Variants in CNOT1 observed in about 807,000 individuals in gnomAD.
CNOT1 encodes CCR4-associated factor 1.
A neutral mutation model predicts 273.8 loss-of-function variants in CNOT1; 15 were observed. That is an observed-to-expected ratio of 0.05 (90% CI 0.04 to 0.08). The LOEUF is 0.08. Among genes scored for constraint, CNOT1 ranks in the 10% least tolerant of loss-of-function variants. The pLI, the probability that CNOT1 is intolerant of heterozygous loss-of-function variation, is 1.00. For missense variants in CNOT1, 1,644 were observed against 2,912.2 expected, an observed-to-expected ratio of 0.56 and a Z score of 10.02; for synonymous variants, 1,022 against 1,005.5, an observed-to-expected ratio of 1.02 and a Z score of -0.31.
intron 1 of CNOT1, among the ~76,000 whole-genome samples, chr16:58,619,765 C>T (rs74020118): frequency 0.013 from 1,982 of 152,202 alleles, 45 homozygotes; most frequent in African/African-American, 0.045. Flanking sequence ...AAATTCAAAT[C>T]TTGTTTCTAG....
intron 17 of CNOT1, 122 bp downstream of exon 17, chr16:58,560,090 G>A: frequency 6.6e-7 from 1 of 1,524,800 alleles, no homozygotes; most frequent in Non-Finnish European, 8.8e-7. Flanking sequence ...TAAAATAAGT[G>A]GATGCTAGAC....
intron 2 of CNOT1, among the ~76,000 whole-genome samples, chr16:58,593,468 A>C (rs946321926): frequency 3.3e-5 from 5 of 152,038 alleles, no homozygotes; most frequent in Non-Finnish European, 5.9e-5. Flanking sequence ...CTGAGACAGG[A>C]GAATCGCTTG....
intron 13 of CNOT1, 93 bp from the exon 14 acceptor site, chr16:58,576,675 T>C: frequency 1.9e-6 from 3 of 1,548,082 alleles, no homozygotes; most frequent in Non-Finnish European, 2.6e-6. Context: ...AGAACTTGTA[T>C]AAAAATCAGG....
chr16:58,524,824 G>C (rs1170077840), intron 46 of CNOT1, among the ~76,000 whole-genome samples: 2 of 152,136 alleles, frequency 1.3e-5, no homozygotes, highest in Non-Finnish European at 2.9e-5. Context: ...CAAGATGCCT[G>C]CCAAACACGC....
In CNOT1 at chr16:58,542,418, A is replaced by T; in HGVS notation, c.4575+10T>A. 1 of 1,613,788 alleles carries T rather than the reference A, an allele frequency of 6.2e-7. No individual in the cohort carries two copies. Among genetic ancestry groups the T allele is most frequent in the Non-Finnish European group, 8.5e-7 (1 of 1,179,956 alleles). ...AAGAAAATCTTAAAAGGCAAATTCT[A>T]AACACTTACAGTTGCTAATCTCTTG... On this transcript the variant is annotated intron_variant, in intron 32 of 48. Coordinates refer to ENST00000317147, the MANE Select transcript of CNOT1 (RefSeq NM_016284.5).
chr16:58,582,669 CAATT>C (rs2041698105), intron 10 of CNOT1, 120 bp downstream of exon 10: 1 of 654,936 alleles, frequency 1.5e-6, no homozygotes. Context: ...CTGCAGTACA[CAATT>C]AACTTGGACA....
At chr16:58,556,404 T>G (rs1025325698) in intron 19 of CNOT1, among the ~76,000 whole-genome samples, 1 of 152,228 alleles carries the variant, frequency 6.6e-6, no homozygotes, top group Non-Finnish European at 1.5e-5. Flanking sequence ...TGACAAGGAC[T>G]TCAGTCAATT....
chr16:58,534,139 T>C lies in CNOT1; in HGVS notation c.5895+8A>G, dbSNP rs1331105285. On this transcript the variant is annotated splice_region_variant and intron_variant, in intron 40 of 48. Transcript: ENST00000317147. ...AGACCAAGACTAAGGCAAGAAAGGA[T>C]TTCAGACCTTGTTCAGCAGATTAAT... 3 of 1,612,938 alleles carry C rather than the reference T, an allele frequency of 1.9e-6. No individual in the cohort carries two copies. Among genetic ancestry groups the C allele is most frequent in the East Asian group, 2.2e-5 (1 of 44,854 alleles).
intron 2 of CNOT1, among the ~76,000 whole-genome samples, chr16:58,591,246 T>C (rs539772291): frequency 6.6e-6 from 1 of 152,296 alleles, no homozygotes; most frequent in Admixed American, 6.5e-5. Flanking sequence ...TGAGACTGTG[T>C]TATCAACCTA....
intron 16 of CNOT1, among the ~76,000 whole-genome samples, chr16:58,566,217 C>A (rs765570328): frequency 6.6e-6 from 1 of 152,134 alleles, no homozygotes; most frequent in African/African-American, 2.4e-5. Context: ...ACATAATTAT[C>A]CTGCTCTTCA....
chr16:58,619,460 C>T (rs1166029007), intron 1 of CNOT1, among the ~76,000 whole-genome samples: 1 of 151,476 alleles, frequency 6.6e-6, no homozygotes, highest in African/African-American at 2.4e-5. Context: ...CAGCGTCTCG[C>T]TCTGTCACCC....
At position 58,558,668 on chromosome 16, in the gene CNOT1, G is replaced by T. The variant is rs759631323; in HGVS notation, c.2137C>A (p.Pro713Thr). The change falls in exon 18 of 49, where the codon CCT becomes ACT. Residue 713 changes from proline to threonine, a missense_variant. Pro to Thr is a conservative substitution (Grantham distance 38, BLOSUM62 -1). Around this residue, in one of 13 missense-constraint regions of CNOT1, gnomAD observed 706 missense variants for 1,021.2 expected, o/e 0.69. Transcript: ENST00000317147. ...CTAAGAGATGTCATTCCAGCAAGAG[G>T]GTCAATCTAAAGAAAAACATTATAA... ...LDAISPVQIDPLAGMTSLSIG... is the reference protein window; with the variant it reads ...LDAISPVQIDTLAGMTSLSIG... 6 of 1,613,300 alleles carry T rather than the reference G, an allele frequency of 3.7e-6. No homozygotes were observed. The highest frequency in any genetic ancestry group is 5.1e-6 in the Non-Finnish European group (6 of 1,179,634).
chr16:58,627,685 G>C (rs2043643182), intron 1 of CNOT1, among the ~76,000 whole-genome samples: 1 of 151,936 alleles, frequency 6.6e-6, no homozygotes, highest in Non-Finnish European at 1.5e-5. Context: ...TGAACCCGGG[G>C]TGTTAAGCTG....
At chr16:58,579,022 T>C (rs1319631214) in intron 12 of CNOT1, 83 bp from the exon 13 acceptor site, 1 of 1,528,186 alleles carries the variant, frequency 6.5e-7, no homozygotes, top group African/African-American at 1.4e-5. Context: ...TACCAGCTTG[T>C]AAGCACAAAA....
chr16:58,604,571 C>T (rs1241280697), intron 1 of CNOT1, among the ~76,000 whole-genome samples: 4 of 142,368 alleles, frequency 2.8e-5, no homozygotes, highest in African/African-American at 7.9e-5. Context: ...CACCTGAGGT[C>T]GGGAGTTGGA....
At chr16:58,555,162 T>G in intron 21 of CNOT1, 89 bp downstream of exon 21, 2 of 1,531,270 alleles carry the variant, frequency 1.3e-6, no homozygotes, top group Non-Finnish European at 1.8e-6. Context: ...GAGCCGAGAT[T>G]GCGCCACTGC....
At chr16:58,560,434 T>A in intron 16 of CNOT1, 72 bp from the exon 17 acceptor site, 3 of 1,448,660 alleles carry the variant, frequency 2.1e-6, no homozygotes, top group African/African-American at 2.3e-5. Flanking sequence ...CCAACCGATC[T>A]GATTTTTTTT....
At chr16:58,531,926 C>A in intron 42 of CNOT1, 32 bp downstream of exon 42, 1 of 1,611,880 alleles carries the variant, frequency 6.2e-7, no homozygotes, top group Non-Finnish European at 8.5e-7. Flanking sequence ...TAGTTATAGT[C>A]TTCATCTACA....
chr16:58,543,977 C>A, intron 30 of CNOT1, 74 bp from the exon 31 acceptor site: 1 of 1,492,272 alleles, frequency 6.7e-7, no homozygotes. Flanking sequence ...CAATCACATT[C>A]ATGATTTTGT....
Sources: gnomAD v4.1 joint callset for allele counts (sites outside exome capture counted in the v4.1 genomes callset) on GRCh38, gnomAD v4.1.1 for gene constraint, gnomAD v4.1.1 regional missense constraint, MANE v1.5 for transcripts, NCBI Gene and HGNC (gene_info 2026-07-23, HGNC 2026-07-21) for gene names.